GPC3: variants seen among roughly 807,000 people sequenced by gnomAD.
The protein encoded by GPC3 is glypican 3, also known as glypican-3.
A neutral mutation model predicts 34.4 loss-of-function variants in GPC3; 3 were observed. The observed-to-expected ratio is 0.09, with a 90% CI of 0.04 to 0.23. The LOEUF (loss-of-function observed/expected upper bound fraction) is 0.23, where lower values mean the gene tolerates loss of function less well. GPC3 is among the 10% of genes least tolerant of loss of function. GPC3 has a pLI of 1.00. For synonymous variants in GPC3, 177 were observed against 174.0 expected (o/e 1.02, Z -0.13); for missense variants, 351 against 445.6 (o/e 0.79, Z 1.91).
intron 6 of GPC3, among the ~76,000 whole-genome samples, chrX:133,606,635 G>A (rs1313351890): frequency 9.0e-6 from 1 of 110,846 alleles, no homozygotes; most frequent in African/African-American, 3.3e-5. Context: ...TATTGCCCAG[G>A]CTGGTTTTGA....
intron 6 of GPC3, among the ~76,000 whole-genome samples, chrX:133,601,053 T>G (rs971894721): frequency 8.9e-6 from 1 of 111,815 alleles, no homozygotes. Context: ...GTGCATTACT[T>G]TGAATACAGA....
At position 133,704,842 on chromosome X, in the gene GPC3, C is replaced by T. The variant is rs144112136; in HGVS notation, c.1033-4814G>A. Among the ~76,000 whole-genome samples, 575 of 111,167 alleles carry T rather than the reference C, an allele frequency of 5.2e-3. 3 individuals carry two copies. The highest frequency in any genetic ancestry group is 0.018 in the African/African-American group (540 of 30,633). ...TGTCCTGAATCCCATTATTACCAAACATTCTGAAATCATGCAAAAATTTGA... is the reference window on the plus strand; with the variant it reads ...TGTCCTGAATCCCATTATTACCAAATATTCTGAAATCATGCAAAAATTTGA... On this transcript the variant is annotated intron_variant, in intron 3 of 7. Transcript: ENST00000370818.
chrX:133,638,463 C>A (rs1260164106), intron 6 of GPC3, among the ~76,000 whole-genome samples: 1 of 111,516 alleles, frequency 9.0e-6, no homozygotes, highest in Non-Finnish European at 1.9e-5. Context: ...GGGGGCCAAG[C>A]AACTTGGACC....
intron 2 of GPC3, among the ~76,000 whole-genome samples, chrX:133,859,668 C>T (rs1465218344): frequency 8.9e-6 from 1 of 112,296 alleles, no homozygotes; most frequent in Non-Finnish European, 1.9e-5. Context: ...GCATTCATCA[C>T]ACAAATCTAT....
intron 1 of GPC3, among the ~76,000 whole-genome samples, chrX:133,974,869 G>C (rs1348326506): frequency 9.0e-6 from 1 of 110,725 alleles, no homozygotes; most frequent in Non-Finnish European, 1.9e-5. Context: ...GAACTACCTA[G>C]CAGACATTTT....
rs754216785 is a variant in GPC3 at position 133,851,937 on chromosome X, T to C, written c.338-97761A>G. ...TGCCAGAGACTTAAACACCAGAACA[T>C]ACTACTGACTAAGAAGACACAAAAT... On this transcript the variant is annotated intron_variant, in intron 2 of 7. Coordinates refer to ENST00000370818, the MANE Select transcript of GPC3 (RefSeq NM_004484.4). Among the ~76,000 whole-genome samples the C allele has an allele frequency of 3.6e-5, 4 of 111,898 alleles. No individual in the cohort carries two copies. The South Asian group carries it at 1.5e-3, about 42-fold the overall frequency.
At chrX:133,650,133 G>C (rs182269263) in intron 6 of GPC3, among the ~76,000 whole-genome samples, 3 of 111,561 alleles carry the variant, frequency 2.7e-5, no homozygotes, top group African/African-American at 9.8e-5. Context: ...CCTCCTGTGA[G>C]ACATCGGCCA....
intron 7 of GPC3, among the ~76,000 whole-genome samples, chrX:133,564,643 T>C (rs1288728365): frequency 9.0e-6 from 1 of 111,262 alleles, no homozygotes; most frequent in Non-Finnish European, 1.9e-5. Context: ...GTTATATAAC[T>C]TCCCTGGGCC....
chrX:133,866,000 T>C (rs1349241795), intron 2 of GPC3, among the ~76,000 whole-genome samples: 2 of 112,143 alleles, frequency 1.8e-5, no homozygotes, highest in Non-Finnish European at 3.8e-5. Context: ...ATACAGACAA[T>C]TTAAATATGA....
At chrX:133,837,796 C>T (rs2075806554) in intron 2 of GPC3, among the ~76,000 whole-genome samples, 1 of 112,234 alleles carries the variant, frequency 8.9e-6, no homozygotes, top group Admixed American at 9.4e-5. Context: ...ATTTACATAG[C>T]ATCACTGTTA....
At chrX:133,679,728 C>T (rs762735796) in intron 5 of GPC3, among the ~76,000 whole-genome samples, 8 of 111,121 alleles carry the variant, frequency 7.2e-5, no homozygotes, top group Non-Finnish European at 1.1e-4. Context: ...GATCATAGCT[C>T]ACTGCAGCCT....
At chrX:133,920,254 T>C (rs191549791) in intron 2 of GPC3, among the ~76,000 whole-genome samples, 1 of 111,079 alleles carries the variant, frequency 9.0e-6, no homozygotes, top group African/African-American at 3.3e-5. Flanking sequence ...TTTTTCCTAA[T>C]AGACTCAATT....
chrX:133,809,649 T>C (rs762762309), intron 2 of GPC3, among the ~76,000 whole-genome samples: 2 of 112,054 alleles, frequency 1.8e-5, no homozygotes, highest in South Asian at 7.5e-4. Flanking sequence ...GCAGAATCAA[T>C]GGCGGCATCC....
intron 7 of GPC3, among the ~76,000 whole-genome samples, chrX:133,590,377 T>C (rs1402396767): frequency 9.0e-6 from 1 of 111,327 alleles, no homozygotes; most frequent in African/African-American, 3.3e-5. Flanking sequence ...TTCTGAGAAG[T>C]GCGAGGAACA....
At chrX:133,875,020 G>A (rs1381426072) in intron 2 of GPC3, among the ~76,000 whole-genome samples, 1 of 112,298 alleles carries the variant, frequency 8.9e-6, no homozygotes, top group Non-Finnish European at 1.9e-5. Flanking sequence ...GGCTAGTGGA[G>A]TGTCTCATAT....
chrX:133,925,527 A>C (rs1021029831), intron 2 of GPC3, among the ~76,000 whole-genome samples: 27 of 112,156 alleles, frequency 2.4e-4, no homozygotes, highest in Non-Finnish European at 4.1e-4. Flanking sequence ...TAAATGATGC[A>C]CTGATCATAT....
intron 6 of GPC3, among the ~76,000 whole-genome samples, chrX:133,640,782 T>C (rs1445620496): frequency 8.9e-6 from 1 of 112,197 alleles, no homozygotes; most frequent in Non-Finnish European, 1.9e-5. Context: ...CAACCTCTTG[T>C]GCCGTCCTAT....
intron 7 of GPC3, among the ~76,000 whole-genome samples, chrX:133,573,240 T>C (rs1201520305): frequency 9.0e-6 from 1 of 111,705 alleles, no homozygotes; most frequent in Non-Finnish European, 1.9e-5. Context: ...AAACTAGAAA[T>C]AGAAGGAAAC....
At position 133,866,269 on chromosome X, in the gene GPC3, T is replaced by G. The variant is rs183878807; in HGVS notation, c.337+86781A>C. ...TCCCTTTTAGTGCACAACTGAGCAT[T>G]AGGTTGCTATTTATTTAGGGGATTT... On this transcript the variant is annotated intron_variant, in intron 2 of 7. Coordinates refer to ENST00000370818, the MANE Select transcript of GPC3 (RefSeq NM_004484.4). Among the ~76,000 whole-genome samples the G allele has an allele frequency of 3.3e-3, 373 of 111,937 alleles. 3 individuals carry two copies. The highest frequency in any genetic ancestry group is 0.012 in the African/African-American group (355 of 30,855).
Sources: gnomAD v4.1 joint callset for allele counts (sites outside exome capture counted in the v4.1 genomes callset) on GRCh38, gnomAD v4.1.1 for gene constraint, MANE v1.5 for transcripts, NCBI Gene and HGNC (gene_info 2026-07-23, HGNC 2026-07-21) for gene names.